Variants in ANKHD1 observed in about 807,000 individuals in gnomAD.
The protein encoded by ANKHD1 is ankyrin repeat and KH domain containing 1, also known as ankyrin repeat and KH domain-containing protein 1.
Under a neutral mutation model 230.5 loss-of-function variants are expected in ANKHD1, and 31 were observed. The ratio of observed to expected loss-of-function variants is 0.13; its 90% CI spans 0.10 to 0.18. The LOEUF is 0.18. Ranked by LOEUF, ANKHD1 falls within the 10% of genes least tolerant of loss-of-function variation. The pLI is 1.00. For synonymous variants in ANKHD1, 1,074 were observed against 1,117.6 expected (o/e 0.96, Z 0.78); for missense variants, 2,256 against 3,071.3 (o/e 0.73, Z 6.27).
In ANKHD1 at chr5:140,537,492, G is replaced by T. The variant is rs769543403; in HGVS notation, c.7131G>T (p.Arg2377=). 5.0e-6 allele frequency: 8 copies of T among 1,614,104 alleles called. No individual in the cohort carries two copies. The East Asian group carries it at 1.8e-4, about 36-fold the overall frequency. The change falls in exon 31 of 34, where the codon CGG becomes CGT. Residue 2377 remains arginine, a synonymous_variant. Transcript: ENST00000360839. ...GAACAGAGAGACTGGCCCGAATTCG[G>T]CAAGGAGGGTCTGTTGCACAAGCCC... ...PIGTERLARI[R]QGGSVAQAPA... is the part of the protein sequence containing the mutation.
Position 140,537,661 on chromosome 5 carries a change from C to T in ANKHD1, c.7228+72C>T, listed in dbSNP as rs1754141403. The T allele has an allele frequency of 2.7e-6, 4 of 1,463,380 alleles. No homozygotes were observed. The South Asian group carries it at 4.7e-5, about 17-fold the overall frequency. The allele number at this position is 1,463,380 out of a possible 1,614,324, so 90.6% of individuals were successfully genotyped here. On this transcript the variant is annotated intron_variant, in intron 31 of 33. Transcript: ENST00000360839. ...GTAGGTTTGCCATTAAAACTTAGTTCCTTAGAAAAAACAAACAAAAAAAAC... is the reference window on the plus strand; with the variant it reads ...GTAGGTTTGCCATTAAAACTTAGTTTCTTAGAAAAAACAAACAAAAAAAAC...
At chr5:140,539,299 AT>A in intron 33 of ANKHD1, 59 bp from the exon 34 acceptor site, 1 of 1,607,750 alleles carries the variant, frequency 6.2e-7, no homozygotes, top group Non-Finnish European at 8.5e-7. Flanking sequence ...TTATATATTC[AT>A]TTTGTAACTG....
intron 1 of ANKHD1, among the ~76,000 whole-genome samples, chr5:140,430,384 T>C (rs1268081144): frequency 6.6e-6 from 1 of 152,232 alleles, no homozygotes; most frequent in East Asian, 1.9e-4. Flanking sequence ...ATGTAGCTAC[T>C]GAATAGAGAT....
chr5:140,538,854 G>T, intron 32 of ANKHD1, 65 bp from the exon 33 acceptor site: 1 of 1,354,172 alleles, frequency 7.4e-7, no homozygotes. Flanking sequence ...TGGTATTATG[G>T]GATTTATAGT....
chr5:140,518,758 A>G (rs1753171641), intron 24 of ANKHD1, among the ~76,000 whole-genome samples: 1 of 152,102 alleles, frequency 6.6e-6, no homozygotes, highest in African/African-American at 2.4e-5. Flanking sequence ...TAAAAACTCA[A>G]TAAATTAGGT....
intron 9 of ANKHD1, among the ~76,000 whole-genome samples, chr5:140,464,052 A>G (rs1466304500): frequency 2.0e-5 from 3 of 152,072 alleles, no homozygotes; most frequent in African/African-American, 7.2e-5. Context: ...CCTGGCCAAC[A>G]TGGTAAAACC....
chr5:140,485,563 T>A lies in ANKHD1; in HGVS notation c.1999-26T>A. 6.2e-7 allele frequency: 1 copy of A among 1,611,852 alleles called. No homozygotes were observed. Among genetic ancestry groups the A allele is most frequent in the African/African-American group, 1.3e-5 (1 of 74,804 alleles). ...GAGCTGCTAAGAAACTATAAAGAAT[T>A]AATTATCATGGCAATTCTTTTTCAG... On this transcript the variant is annotated intron_variant, in intron 12 of 33. Transcript: ENST00000360839. The surrounding 1 kb of genome is among the most constrained non-coding windows in gnomAD (Gnocchi z 4.8).
chr5:140,433,997 A>G (rs1338402537), intron 1 of ANKHD1, among the ~76,000 whole-genome samples: 1 of 152,168 alleles, frequency 6.6e-6, no homozygotes, highest in Non-Finnish European at 1.5e-5. Flanking sequence ...CTGTAGTTAC[A>G]TGTTAAAGAA....
Position 140,436,118 on chromosome 5 carries a change from T to A in ANKHD1, c.321T>A (p.Ile107=). 1 of 1,568,066 alleles carries A rather than the reference T, an allele frequency of 6.4e-7. No homozygotes were observed. Among genetic ancestry groups the A allele is most frequent in the Non-Finnish European group, 8.6e-7 (1 of 1,161,330 alleles). Reference sequence around the variant, plus strand: ...TTCATTAACAGGTTGAATCATTTATTTTGGACCAAGAAGATCTGGATAACC... The same window carrying A: ...TTCATTAACAGGTTGAATCATTTATATTGGACCAAGAAGATCTGGATAACC... ...EDEVSEVESF[I]LDQEDLDNPV... Residue 107 remains isoleucine (I), a synonymous_variant, in exon 2 of 34, where the codon ATT becomes ATA. Coordinates refer to ENST00000360839, the MANE Select transcript of ANKHD1 (RefSeq NM_017747.3).
intron 15 of ANKHD1, among the ~76,000 whole-genome samples, chr5:140,502,276 G>A (rs575120695): frequency 6.6e-6 from 1 of 152,050 alleles, no homozygotes; most frequent in Non-Finnish European, 1.5e-5. Context: ...TTTGTAATTA[G>A]TCCTGTTAAA....
At chr5:140,524,560 C>G (rs1344272343) in intron 25 of ANKHD1, among the ~76,000 whole-genome samples, 1 of 152,116 alleles carries the variant, frequency 6.6e-6, no homozygotes, top group Non-Finnish European at 1.5e-5. Flanking sequence ...AACTCTTCCT[C>G]TCCTGATTAG....
chr5:140,497,403 C>G, intron 15 of ANKHD1, 125 bp downstream of exon 15: 7 of 1,427,322 alleles, frequency 4.9e-6, no homozygotes, highest in Non-Finnish European at 6.4e-6. Flanking sequence ...TTACCCATTT[C>G]TCGAAGTATT....
intron 22 of ANKHD1, among the ~76,000 whole-genome samples, chr5:140,511,874 A>G (rs529187268): frequency 2.5e-4 from 38 of 152,268 alleles, no homozygotes; most frequent in Non-Finnish European, 5.1e-4. Context: ...TATCTCCATC[A>G]CACTAATTCT....
At chr5:140,464,018 C>G (rs527311449) in intron 9 of ANKHD1, among the ~76,000 whole-genome samples, 3 of 152,010 alleles carry the variant, frequency 2.0e-5, no homozygotes, top group Admixed American at 6.6e-5. Context: ...TATATCTCAC[C>G]TAAGGTTGGG....
chr5:140,529,441 T>G lies in ANKHD1; in HGVS notation c.6495T>G (p.Val2165=). The G allele has an allele frequency of 6.2e-7, 1 of 1,614,232 alleles. No homozygotes were observed. Among genetic ancestry groups the G allele is most frequent in the South Asian group, 1.1e-5 (1 of 91,082 alleles). The change falls in exon 29 of 34, where the codon GTT becomes GTG. Residue 2165 remains valine, a synonymous_variant. Transcript: ENST00000360839. The part of the protein sequence containing the change: ...DPQSIFVTNP[V]TLTPPQGPPA... ...AGTCTATTTTTGTTACGAATCCAGTTACTTTAACACCACCTCAAGGCCCAC... is the reference window on the plus strand; with the variant it reads ...AGTCTATTTTTGTTACGAATCCAGTGACTTTAACACCACCTCAAGGCCCAC...
At chr5:140,493,711 T>TA (rs1264165956) in intron 14 of ANKHD1, among the ~76,000 whole-genome samples, 2 of 152,234 alleles carry the variant, frequency 1.3e-5, no homozygotes, top group African/African-American at 4.8e-5. Flanking sequence ...AACCACTTTT[T>TA]ATGCATCATT....
chr5:140,491,139 C>CACATATATATATATATAT (rs1460352213), intron 14 of ANKHD1, among the ~76,000 whole-genome samples: 2 of 56,366 alleles, frequency 3.5e-5, no homozygotes, highest in African/African-American at 6.2e-5. Context: ...TATATATACA[C>CACATATATATATATATAT]ATATATATAT....
At chr5:140,417,446 TTTTAA>T (rs1381195931) in intron 1 of ANKHD1, among the ~76,000 whole-genome samples, 1 of 151,812 alleles carries the variant, frequency 6.6e-6, no homozygotes, top group Non-Finnish European at 1.5e-5. Flanking sequence ...AATTTAAAAT[TTTTAA>T]TTTAATTAAT....
Position 140,438,060 on chromosome 5 carries a change from C to T in ANKHD1, c.461-401C>T, listed in dbSNP as rs374194141. Among the ~76,000 whole-genome samples, 45 of 152,228 alleles carry T rather than the reference C, an allele frequency of 3.0e-4. No homozygotes were observed. The East Asian group carries it at 4.1e-3, about 14-fold the overall frequency. On this transcript the variant is annotated intron_variant, in intron 2 of 33. Transcript: ENST00000360839. ...GAAGAAACAATTGAATTGTTTGTTA[C>T]AGTATTACAGACTGTCTCCCCTCTG...
Sources: gnomAD v4.1 joint callset for allele counts (sites outside exome capture counted in the v4.1 genomes callset) on GRCh38, gnomAD v4.1.1 for gene constraint, Gnocchi (gnomAD v3.1) non-coding constraint, MANE v1.5 for transcripts, NCBI Gene and HGNC (gene_info 2026-07-23, HGNC 2026-07-21) for gene names.